HPSE2: variants seen among roughly 807,000 people sequenced by gnomAD.
HPSE2 encodes heparanase 2 (inactive).
Under a neutral mutation model 60.5 loss-of-function variants are expected in HPSE2, and 38 were observed. That is an observed-to-expected ratio of 0.63 (90% CI 0.48 to 0.82). HPSE2 has a LOEUF of 0.82. Ranked by LOEUF, HPSE2 falls within the 40% of genes least tolerant of loss-of-function variation. The pLI is 0.00. For missense variants in HPSE2, 713 were observed against 740.4 expected (o/e 0.96, Z 0.43); for synonymous variants, 295 against 293.2 (o/e 1.01, Z -0.06).
At chr10:98,596,788 T>A (rs1371136265) in intron 9 of HPSE2, among the ~76,000 whole-genome samples, 1 of 152,234 alleles carries the variant, frequency 6.6e-6, no homozygotes, top group Non-Finnish European at 1.5e-5. Context: ...AACTACTTTT[T>A]GTCTTTGATT....
chr10:98,856,761 A>G (rs1952326073), intron 3 of HPSE2, among the ~76,000 whole-genome samples: 1 of 152,198 alleles, frequency 6.6e-6, no homozygotes, highest in Admixed American at 6.5e-5. Context: ...AAAAATATGA[A>G]AGAGAAATAG....
At chr10:98,829,373 C>T (rs1951628235) in intron 3 of HPSE2, among the ~76,000 whole-genome samples, 1 of 151,920 alleles carries the variant, frequency 6.6e-6, no homozygotes. Context: ...ACTAAAAATA[C>T]AAAAATTAGC....
chr10:99,184,819 T>TATATATATATAG (rs1554912295), intron 2 of HPSE2, among the ~76,000 whole-genome samples: 8 of 19,866 alleles, frequency 4.0e-4, no homozygotes, highest in Admixed American at 1.4e-3. Flanking sequence ...TATATATATA[T>TATATATATATAG]AGAGAGAGAG....
intron 3 of HPSE2, among the ~76,000 whole-genome samples, chr10:99,066,259 A>G (rs1369883085): frequency 6.6e-6 from 1 of 152,222 alleles, no homozygotes; most frequent in African/African-American, 2.4e-5. Context: ...TCCATTTTCA[A>G]TTAAGCAATA....
At chr10:98,914,087 C>T (rs981875541) in intron 3 of HPSE2, among the ~76,000 whole-genome samples, 1 of 152,136 alleles carries the variant, frequency 6.6e-6, no homozygotes, top group Non-Finnish European at 1.5e-5. Flanking sequence ...ATTGTAACTC[C>T]CACAATTCCC....
the HPSE2 span, among the ~76,000 whole-genome samples, chr10:99,308,105 C>T: frequency 0.034 from 5,173 of 151,848 alleles, 114 homozygotes; most frequent in East Asian, 0.088. Flanking sequence ...TGGAAACAAT[C>T]GGCCAGGTGC....
chr10:99,203,641 C>A (rs939327367), intron 2 of HPSE2, among the ~76,000 whole-genome samples: 2 of 152,078 alleles, frequency 1.3e-5, no homozygotes, highest in Admixed American at 1.3e-4. Flanking sequence ...CAGGAGCTCC[C>A]TGTGGGCCCA....
intron 9 of HPSE2, among the ~76,000 whole-genome samples, chr10:98,502,993 C>T (rs942501606): frequency 1.3e-5 from 2 of 152,128 alleles, no homozygotes; most frequent in African/African-American, 4.8e-5. Context: ...GGGTGGATCA[C>T]CTGAGGCCAG....
At chr10:98,896,417 A>G (rs1488738559) in intron 3 of HPSE2, among the ~76,000 whole-genome samples, 9 of 152,216 alleles carry the variant, frequency 5.9e-5, no homozygotes, top group Non-Finnish European at 1.2e-4. Flanking sequence ...CACAGTAGAC[A>G]GTGCAACAGG....
At chr10:98,609,499 A>G (rs1945689002) in intron 9 of HPSE2, among the ~76,000 whole-genome samples, 1 of 152,256 alleles carries the variant, frequency 6.6e-6, no homozygotes, top group Non-Finnish European at 1.5e-5. Context: ...CATACAAAAA[A>G]TTCACGTAAG....
At chr10:98,886,477 A>G (rs1343905384) in intron 3 of HPSE2, among the ~76,000 whole-genome samples, 5 of 152,166 alleles carry the variant, frequency 3.3e-5, no homozygotes, top group Non-Finnish European at 7.4e-5. Context: ...GCCAGGAATT[A>G]AAGTGTTATT....
chr10:99,183,810 C>A (rs1428826258), intron 2 of HPSE2, among the ~76,000 whole-genome samples: 1 of 152,128 alleles, frequency 6.6e-6, no homozygotes, highest in Non-Finnish European at 1.5e-5. Context: ...TCACATAGGA[C>A]CAGAATAGTT....
chr10:98,730,703 TAAATA>T (rs1949205325), intron 4 of HPSE2, among the ~76,000 whole-genome samples: 1 of 152,042 alleles, frequency 6.6e-6, no homozygotes, highest in African/African-American at 2.4e-5. Context: ...TTAGAAAACT[TAAATA>T]AAATGGTAAA....
At chr10:98,612,232 A>G (rs900980324) in intron 9 of HPSE2, among the ~76,000 whole-genome samples, 1 of 152,206 alleles carries the variant, frequency 6.6e-6, no homozygotes, top group Non-Finnish European at 1.5e-5. Context: ...CACAGAAAAG[A>G]CATCAAAGAG....
intron 3 of HPSE2, among the ~76,000 whole-genome samples, chr10:98,801,992 T>C (rs191817075): frequency 2.8e-4 from 42 of 152,182 alleles, no homozygotes; most frequent in Admixed American, 2.6e-3. Flanking sequence ...CTTAAAAACA[T>C]AGACCAACAG....
intron 8 of HPSE2, among the ~76,000 whole-genome samples, chr10:98,617,430 A>G (rs912696398): frequency 6.6e-6 from 1 of 152,202 alleles, no homozygotes; most frequent in South Asian, 2.1e-4. Flanking sequence ...ATAAATATCA[A>G]TTCATAAACC....
chr10:98,943,373 T>C (rs1388771646), intron 3 of HPSE2, among the ~76,000 whole-genome samples: 1 of 151,926 alleles, frequency 6.6e-6, no homozygotes, highest in Non-Finnish European at 1.5e-5. Flanking sequence ...TTAGAGTACA[T>C]AAATATATTA....
At chr10:99,019,156 C>G (rs1202012167) in intron 3 of HPSE2, among the ~76,000 whole-genome samples, 1 of 152,190 alleles carries the variant, frequency 6.6e-6, no homozygotes, top group African/African-American at 2.4e-5. Flanking sequence ...GGCTTAAACA[C>G]TGGTAATATC....
chr10:99,047,844 T>C (rs989425808), intron 3 of HPSE2: 6 of 786,646 alleles, frequency 7.6e-6, no homozygotes, highest in African/African-American at 6.7e-5. Flanking sequence ...AGAACTGAAA[T>C]TTGAATGGCG....
Sources: allele counts gnomAD v4.1 joint callset (sites outside exome capture counted in the v4.1 genomes callset), GRCh38; gene constraint gnomAD v4.1.1; transcripts MANE v1.5; gene names NCBI Gene and HGNC (gene_info 2026-07-23, HGNC 2026-07-21).